IDNK: variants seen among roughly 807,000 people sequenced by gnomAD.
IDNK encodes the protein IDNK gluconokinase.
In IDNK, 9 loss-of-function variants were observed where a neutral mutation model predicts 13.0. That is an observed-to-expected ratio of 0.69 (90% CI 0.42 to 1.21). IDNK has a LOEUF of 1.21. Ranked by LOEUF, IDNK falls within the 50% of genes most tolerant of loss-of-function variation. IDNK has a pLI of 0.00. For missense variants in IDNK, 210 were observed against 237.8 expected (o/e 0.88, Z 0.77); for synonymous variants, 92 against 94.9 (o/e 0.97, Z 0.18).
At chr9:83,630,385 T>C (rs1830977856) in intron 3 of IDNK, among the ~76,000 whole-genome samples, 1 of 152,210 alleles carries the variant, frequency 6.6e-6, no homozygotes. Flanking sequence ...GATACTAAAC[T>C]AGAGATAATA....
chr9:83,639,491 TAAAC>T (rs768215626), intron 3 of IDNK, among the ~76,000 whole-genome samples: 13 of 152,026 alleles, frequency 8.6e-5, no homozygotes, highest in Admixed American at 2.0e-4. Flanking sequence ...TGGGAAAAAA[TAAAC>T]TATGAACAAA....
chr9:83,636,642 CTTTAT>C (rs1053575749), intron 3 of IDNK, among the ~76,000 whole-genome samples: 8 of 152,172 alleles, frequency 5.3e-5, no homozygotes, highest in Middle Eastern at 3.2e-3. Flanking sequence ...ACATTAATAA[CTTTAT>C]TTTGTGTTTT....
chr9:83,629,184 G>C (rs1830945246), intron 3 of IDNK, among the ~76,000 whole-genome samples: 2 of 152,168 alleles, frequency 1.3e-5, no homozygotes, highest in Admixed American at 6.5e-5. Flanking sequence ...GCCTGAACAG[G>C]CTCTGCCAAA....
chr9:83,634,545 T>C (rs1831114407), intron 3 of IDNK, among the ~76,000 whole-genome samples: 1 of 152,260 alleles, frequency 6.6e-6, no homozygotes, highest in African/African-American at 2.4e-5. Context: ...TAATTTTTGT[T>C]TGTTTCATTC....
At chr9:83,632,069 C>T (rs2780974) in intron 3 of IDNK, among the ~76,000 whole-genome samples, 39,007 of 151,950 alleles carry the variant, frequency 0.26, 5,460 homozygotes, top group Middle Eastern at 0.35. Flanking sequence ...CAAAATATAT[C>T]ACCCTTGGTC....
intron 1 of IDNK, among the ~76,000 whole-genome samples, chr9:83,625,768 C>T (rs1225731657): frequency 6.6e-6 from 1 of 152,222 alleles, no homozygotes; most frequent in Non-Finnish European, 1.5e-5. Context: ...ATTTAGAACA[C>T]TGTTAAAACA....
At chr9:83,629,075 C>G in intron 3 of IDNK, 116 bp downstream of exon 3, 1 of 802,190 alleles carries the variant, frequency 1.2e-6, no homozygotes, top group South Asian at 1.4e-5. Context: ...ACAGGGGCTA[C>G]AAAGAGCCAG....
rs144600259 is a variant in IDNK at position 83,643,765 on chromosome 9, C to T, written c.549C>T (p.Thr183=). The change falls in exon 5 of 5, where the codon ACC becomes ACT. Residue 183 remains threonine, a synonymous_variant. Coordinates refer to ENST00000376419, the MANE Select transcript of IDNK (RefSeq NM_001001551.4). ...AGATAATTGCTACAATTATGGAAAC[C>T]CTAAAAATGAAATGACAATGATTTT... is the stretch of plus-strand genomic sequence containing the variant. The part of the protein sequence containing the change: ...VSEIIATIME[T]LKMK 374 of 1,603,624 alleles carry T rather than the reference C, an allele frequency of 2.3e-4. No homozygotes were observed. The highest frequency in any genetic ancestry group is 3.1e-4 in the Non-Finnish European group (363 of 1,173,158).
intron 3 of IDNK, among the ~76,000 whole-genome samples, chr9:83,629,815 A>AC (rs1006384333): frequency 3.3e-5 from 5 of 151,916 alleles, no homozygotes; most frequent in African/African-American, 9.7e-5. Flanking sequence ...TAACCATTGT[A>AC]CCCCCCAGGC....
intron 1 of IDNK, 24 bp downstream of exon 1, chr9:83,623,245 G>T: frequency 7.2e-6 from 10 of 1,385,412 alleles, no homozygotes; most frequent in South Asian, 1.7e-5. Flanking sequence ...AGGGCGGGGG[G>T]CGCCCGGGAC....
At chr9:83,641,461 G>T (rs977683992) in intron 3 of IDNK, 87 bp from the exon 4 acceptor site, 5 of 1,461,722 alleles carry the variant, frequency 3.4e-6, no homozygotes, top group African/African-American at 1.5e-5. Flanking sequence ...CTTAACATTT[G>T]TGAACATGAT....
chr9:83,636,317 G>C (rs776336515), intron 3 of IDNK, among the ~76,000 whole-genome samples: 3 of 152,188 alleles, frequency 2.0e-5, no homozygotes, highest in Admixed American at 1.3e-4. Context: ...ATTTGTGCTT[G>C]AAAGGGCAGC....
At chr9:83,639,029 T>C (rs1054087914) in intron 3 of IDNK, among the ~76,000 whole-genome samples, 28 of 152,216 alleles carry the variant, frequency 1.8e-4, no homozygotes, top group Middle Eastern at 6.8e-3. Flanking sequence ...TTTATAAAAA[T>C]TGACATGTAC....
At chr9:83,624,213 G>A (rs1830782769) in intron 1 of IDNK, among the ~76,000 whole-genome samples, 1 of 152,226 alleles carries the variant, frequency 6.6e-6, no homozygotes, top group African/African-American at 2.4e-5. Context: ...GTTGGAGAAT[G>A]TAAAATCATT....
At chr9:83,623,454 G>A in intron 1 of IDNK, 1 of 517,888 alleles carries the variant, frequency 1.9e-6, no homozygotes. Flanking sequence ...GCTCTAAGAC[G>A]GGGAGGCTGC....
rs145579014 is a variant in IDNK, at chr9:83,639,383, G to C, written c.169-2165G>C. ...TGAAAAGTAACGAGCTAGTTGCTCAGTTCAAGTAGAAAAAAATAAATGCAG... is the reference window on the plus strand; with the variant it reads ...TGAAAAGTAACGAGCTAGTTGCTCACTTCAAGTAGAAAAAAATAAATGCAG... On this transcript the variant is annotated intron_variant, in intron 3 of 4. Transcript: ENST00000376419. Among the ~76,000 whole-genome samples, 8 of 152,230 alleles carry C rather than the reference G, an allele frequency of 5.3e-5. No individual in the cohort carries two copies. In the East Asian group the frequency reaches 1.5e-3, roughly 29 times the overall value.
chr9:83,632,302 C>T (rs112007392), intron 3 of IDNK, among the ~76,000 whole-genome samples: 7 of 152,056 alleles, frequency 4.6e-5, no homozygotes, highest in African/African-American at 1.7e-4. Context: ...CATTTAATTT[C>T]TCAAGATGTT....
At chr9:83,632,307 G>A (rs1005627309) in intron 3 of IDNK, among the ~76,000 whole-genome samples, 6 of 151,958 alleles carry the variant, frequency 3.9e-5, no homozygotes, top group Non-Finnish European at 8.8e-5. Flanking sequence ...AATTTCTCAA[G>A]ATGTTTCCAT....
At chr9:83,636,199 G>A (rs898061898) in intron 3 of IDNK, among the ~76,000 whole-genome samples, 1 of 152,160 alleles carries the variant, frequency 6.6e-6, no homozygotes, top group African/African-American at 2.4e-5. Flanking sequence ...CTCAAACTTA[G>A]AATGATCATA....
Sources: gnomAD v4.1 joint callset for allele counts (sites outside exome capture counted in the v4.1 genomes callset) on GRCh38, gnomAD v4.1.1 for gene constraint, MANE v1.5 for transcripts, NCBI Gene and HGNC (gene_info 2026-07-23, HGNC 2026-07-21) for gene names.